The following SLC27A1 variants were observed in gnomAD, a reference collection of about 807,000 sequenced individuals.
The protein encoded by SLC27A1 is long-chain fatty acid transport protein 1.
In SLC27A1, 61 loss-of-function variants were observed where a neutral mutation model predicts 62.2. The observed-to-expected ratio is 0.98, with a 90% CI of 0.80 to 1.21. The LOEUF (loss-of-function observed/expected upper bound fraction) is 1.21, where lower values mean the gene tolerates loss of function less well. Among genes scored for constraint, SLC27A1 ranks in the 50% most tolerant of loss-of-function variants. SLC27A1 has a pLI of 0.00. For synonymous variants in SLC27A1, 435 were observed against 408.6 expected, an observed-to-expected ratio of 1.06 and a Z score of -0.78; for missense variants, 903 against 932.1, an observed-to-expected ratio of 0.97 and a Z score of 0.41.
chr19:17,492,142 T>TA (rs1568419099), intron 6 of SLC27A1, among the ~76,000 whole-genome samples: 1 of 152,024 alleles, frequency 6.6e-6, no homozygotes, highest in Non-Finnish European at 1.5e-5. Context: ...TTGTGACAAT[T>TA]AAAAAAATGT....
chr19:17,480,001 A>C (rs114923433), intron 1 of SLC27A1, among the ~76,000 whole-genome samples: 4,081 of 152,038 alleles, frequency 0.027, 187 homozygotes, highest in African/African-American at 0.094. Context: ...ATTCGACTTT[A>C]AGATGCCAAA....
Position 17,470,713 on chromosome 19 carries a change from T to A in SLC27A1, c.167+6T>A, listed in dbSNP as rs1298541538. 1 of 1,570,362 alleles carries A rather than the reference T, an allele frequency of 6.4e-7. No individual in the cohort carries two copies. The highest frequency in any genetic ancestry group is 8.6e-7 in the Non-Finnish European group (1 of 1,165,648). ...ACCGCGAGGCGAGACCTCTTGTGAG[T>A]GTTGCCGGGATCCGTCCAGGGCTGG... On this transcript the variant is annotated splice_donor_region_variant and intron_variant, in intron 1 of 11. Transcript: ENST00000252595.
At chr19:17,492,997 C>T (rs1278629531) in intron 6 of SLC27A1, among the ~76,000 whole-genome samples, 1 of 151,398 alleles carries the variant, frequency 6.6e-6, no homozygotes, top group African/African-American at 2.4e-5. Flanking sequence ...GTGGTGGGCA[C>T]CTGTAGTCCC....
chr19:17,491,672 G>A (rs900476128), intron 6 of SLC27A1, among the ~76,000 whole-genome samples: 1 of 152,024 alleles, frequency 6.6e-6, no homozygotes, highest in Non-Finnish European at 1.5e-5. Context: ...AAGAGTTGTA[G>A]ACCAGCCTGG....
At chr19:17,496,559 G>C (rs2075352051) in intron 6 of SLC27A1, 1 of 153,460 alleles carries the variant, frequency 6.5e-6, no homozygotes, top group Admixed American at 6.5e-5. Context: ...GGCTCAGCCA[G>C]GGGGCTCTGG....
Position 17,497,246 on chromosome 19 carries a change from G to A in SLC27A1, c.997-9G>A, listed in dbSNP as rs772808851. The A allele has an allele frequency of 7.0e-6, 11 of 1,580,952 alleles. No individual in the cohort carries two copies. Among genetic ancestry groups the A allele is most frequent in the East Asian group, 2.4e-5 (1 of 42,330 alleles). On this transcript the variant is annotated splice_polypyrimidine_tract_variant and intron_variant, in intron 6 of 11. Coordinates refer to ENST00000252595, the MANE Select transcript of SLC27A1 (RefSeq NM_198580.3). ...GTCCCATCACCCACTTCCTCACCCC[G>A]TCCCCCAGGTGGTTCAGTACATCGG...
intron 1 of SLC27A1, among the ~76,000 whole-genome samples, chr19:17,477,240 C>CTTTTTTTGTTTTTTTTTTTT (rs2075132494): frequency 2.3e-5 from 1 of 43,808 alleles, no homozygotes; most frequent in Non-Finnish European, 4.0e-5. Flanking sequence ...ATGAGCAGCG[C>CTTTTTTTGTTTTTTTTTTTT]TTTTTTTTTT....
upstream of SLC27A1, chr19:17,470,511 C>G (rs1465538168): frequency 4.0e-6 from 6 of 1,509,570 alleles, no homozygotes; most frequent in Non-Finnish European, 5.3e-6. Flanking sequence ...TGGAGCGGCC[C>G]GCGGCCTCAG....
At chr19:17,498,668 C>T in intron 7 of SLC27A1, 1 of 243,438 alleles carries the variant, frequency 4.1e-6, no homozygotes, top group Non-Finnish European at 7.7e-6. Flanking sequence ...CGGGGGACCA[C>T]TACCACCAAG....
chr19:17,486,589 G>T lies in SLC27A1; in HGVS notation c.194G>T (p.Arg65Leu). Residue 65 changes from arginine (R) to leucine (L), a missense_variant, in exon 2 of 12, where the codon CGC becomes CTC. Physicochemically the swap from Arg to Leu is moderately radical, Grantham distance 102. Coordinates refer to ENST00000252595, the MANE Select transcript of SLC27A1 (RefSeq NM_198580.3). The surrounding 1 kb of genome is among the most constrained non-coding windows in gnomAD (Gnocchi z 6.6). ...LFGLSVLIRV[R>L]LELRRHQRAG... ...GGTCTCTCTGTGCTGATCCGCGTGC[G>T]CCTGGAGCTGCGGCGGCACCAGCGT... 1.9e-6 allele frequency: 3 copies of T among 1,592,754 alleles called. No individual in the cohort carries two copies. Among genetic ancestry groups the T allele is most frequent in the Non-Finnish European group, 1.7e-6 (2 of 1,176,668 alleles).
intron 11 of SLC27A1, 32 bp downstream of exon 11, chr19:17,501,451 TCATC>T: frequency 6.3e-7 from 1 of 1,599,482 alleles, no homozygotes; most frequent in East Asian, 2.2e-5. Flanking sequence ...ATCTCTCTCT[TCATC>T]CATCAGTGTG....
intron 8 of SLC27A1, 43 bp from the exon 9 acceptor site, chr19:17,500,452 G>A (rs3746318): frequency 0.35 from 571,409 of 1,611,378 alleles, 108,430 homozygotes; most frequent in Non-Finnish European, 0.4. Context: ...GGGTCCCCAC[G>A]CCCTGCCTGC....
chr19:17,485,271 C>T (rs1403760555), intron 1 of SLC27A1, among the ~76,000 whole-genome samples: 1 of 144,336 alleles, frequency 6.9e-6, no homozygotes, highest in African/African-American at 2.5e-5. Flanking sequence ...CTCACTGCAA[C>T]CTCTGCCTGC....
intron 1 of SLC27A1, among the ~76,000 whole-genome samples, chr19:17,483,613 C>T (rs917273056): frequency 2.0e-5 from 3 of 152,024 alleles, no homozygotes; most frequent in Admixed American, 6.6e-5. Flanking sequence ...TTAGAAATTG[C>T]GGATGCTCTC....
intron 6 of SLC27A1, chr19:17,492,502 G>C (rs987530627): frequency 4.0e-5 from 6 of 150,496 alleles, no homozygotes; most frequent in African/African-American, 1.5e-4. Context: ...TATAGTCCCA[G>C]TTATTTGGGA....
chr19:17,492,213 C>G (rs1299191205), intron 6 of SLC27A1: 1 of 152,162 alleles, frequency 6.6e-6, no homozygotes, highest in Non-Finnish European at 1.5e-5. Context: ...AATCGCTGGT[C>G]TATATATTTT....
intron 1 of SLC27A1, among the ~76,000 whole-genome samples, chr19:17,479,047 T>G (rs990006435): frequency 6.6e-6 from 1 of 151,730 alleles, no homozygotes; most frequent in African/African-American, 2.4e-5. Context: ...TAGTGAGTTA[T>G]AATGGTGCCA....
chr19:17,492,627 A>AG (rs1421228462), intron 6 of SLC27A1, among the ~76,000 whole-genome samples: 1 of 149,372 alleles, frequency 6.7e-6, no homozygotes, highest in Non-Finnish European at 1.5e-5. Flanking sequence ...AAAAAAAAAA[A>AG]AAAAAAAAGA....
rs754260824 is a variant in SLC27A1 at position 17,500,753 on chromosome 19, C to G, written c.1513C>G (p.Arg505Gly). ...VMDELGYMYF[R>G]DRSGDTFRWR... ...GGATGAGCTGGGCTACATGTACTTC[C>G]GGGACCGTAGCGGGGACACCTTCCG... The change falls in exon 10 of 12, where the codon CGG (arginine) becomes GGG (glycine). Residue 505 changes from arginine (R) to glycine (G), a missense_variant. Physicochemically the swap from Arg to Gly is moderately radical, Grantham distance 125. Transcript: ENST00000252595. The G allele has an allele frequency of 3.7e-6, 6 of 1,613,818 alleles. No homozygotes were observed. In the African/African-American group the frequency reaches 8.0e-5, roughly 22 times the overall value.
Sources: gnomAD v4.1 joint callset for allele counts (sites outside exome capture counted in the v4.1 genomes callset) on GRCh38, gnomAD v4.1.1 for gene constraint, Gnocchi (gnomAD v3.1) non-coding constraint, MANE v1.5 for transcripts, NCBI Gene and HGNC (gene_info 2026-07-23, HGNC 2026-07-21) for gene names.